PPFIA2: variants seen among roughly 807,000 people sequenced by gnomAD.
PPFIA2 encodes the protein PPFI scaffold protein A2, also known as liprin-alpha-2.
A neutral mutation model predicts 175.5 loss-of-function variants in PPFIA2; 46 were observed. That is an observed-to-expected ratio of 0.26 (90% CI 0.21 to 0.34). The LOEUF (loss-of-function observed/expected upper bound fraction) is 0.34. Among genes scored for constraint, PPFIA2 ranks in the 10% least tolerant of loss-of-function variants. The pLI is 1.00. For synonymous variants in PPFIA2, 568 were observed against 511.4 expected (o/e 1.11, Z -1.49); for missense variants, 1,179 against 1,506.1 (o/e 0.78, Z 3.60).
chr12:81,373,078 A>G (rs1415710743), intron 11 of PPFIA2, among the ~76,000 whole-genome samples: 2 of 151,940 alleles, frequency 1.3e-5, no homozygotes, highest in South Asian at 4.1e-4. Flanking sequence ...GTCAAATATT[A>G]TATTTTAAAT....
intron 3 of PPFIA2, among the ~76,000 whole-genome samples, chr12:81,709,360 T>G (rs1420760878): frequency 6.6e-6 from 1 of 152,156 alleles, no homozygotes; most frequent in South Asian, 2.1e-4. Context: ...TCATCAAATT[T>G]TGATTTATTT....
At chr12:81,376,506 A>G (rs1404358094) in intron 9 of PPFIA2, among the ~76,000 whole-genome samples, 2 of 152,156 alleles carry the variant, frequency 1.3e-5, no homozygotes, top group African/African-American at 4.8e-5. Context: ...ATATGTTTCA[A>G]TTACATAAGA....
At chr12:81,409,676 T>C (rs2043561481) in intron 7 of PPFIA2, among the ~76,000 whole-genome samples, 1 of 152,258 alleles carries the variant, frequency 6.6e-6, no homozygotes, top group South Asian at 2.1e-4. Flanking sequence ...TGATATTCTG[T>C]TATAGCAACA....
In PPFIA2 at chr12:81,367,205, A is replaced by G. The variant is rs186962188; in HGVS notation, c.1483-35T>C. ...AGAAAATAGCAGAAATAATTAATAA[A>G]TTAAACATAAAATACTTAAAAATAT... is the stretch of plus-strand genomic sequence containing the variant. On this transcript the variant is annotated intron_variant, in intron 13 of 32. Transcript: ENST00000549396. 4,415 of 1,250,268 alleles carry G rather than the reference A, an allele frequency of 3.5e-3. 19 individuals carry two copies. Among genetic ancestry groups the G allele is most frequent in the Middle Eastern group, 0.013 (47 of 3,760 alleles). 77.4% of individuals were successfully genotyped at this position (1,250,268 alleles called of 1,614,324 possible).
At chr12:81,486,363 A>G (rs2058820602) in intron 4 of PPFIA2, among the ~76,000 whole-genome samples, 1 of 151,916 alleles carries the variant, frequency 6.6e-6, no homozygotes, top group African/African-American at 2.4e-5. Context: ...TTCTACTTTC[A>G]TTTTATTATT....
At chr12:81,457,920 A>C in intron 4 of PPFIA2, 54 bp from the exon 5 acceptor site, 1 of 1,193,020 alleles carries the variant, frequency 8.4e-7, no homozygotes, top group Non-Finnish European at 1.2e-6. Flanking sequence ...AAAGCAGAAA[A>C]AAATTCAAAA....
chr12:81,757,526 G>A (rs545059574), intron 2 of PPFIA2, among the ~76,000 whole-genome samples: 18 of 152,150 alleles, frequency 1.2e-4, no homozygotes, highest in Non-Finnish European at 2.5e-4. Context: ...AAGAAAAAAA[G>A]TAATAATAAA....
In PPFIA2 at chr12:81,400,572, A is replaced by G. The variant is rs192008185; in HGVS notation, c.762+5215T>C. On this transcript the variant is annotated intron_variant, in intron 8 of 32. Transcript: ENST00000549396. ...TGACAAGAACTAAAGAACTGAAAAC[A>G]TGCAAACAAAAATCTATTTCTGATT... Among the ~76,000 whole-genome samples the G allele has an allele frequency of 1.7e-3, 260 of 152,304 alleles. 2 individuals carry two copies. The highest frequency in any genetic ancestry group is 4.3e-3 in the Admixed American group (66 of 15,288).
In PPFIA2 at chr12:81,258,226, G is replaced by A. The variant is rs995758693; in HGVS notation, c.*1468C>T. 20 of 152,078 alleles carry A rather than the reference G, an allele frequency of 1.3e-4. No homozygotes were observed. Among genetic ancestry groups the A allele is most frequent in the African/African-American group, 4.1e-4 (17 of 41,436 alleles). 9.4% of individuals were successfully genotyped at this position (152,078 alleles called of 1,614,324 possible). A position where few individuals can be genotyped will look rare whatever the true frequency, so the allele number is the denominator to read the frequency against. ...TTCCTGATAGTTTAAGTAAATTGTC[G>A]AGCCTTATGTGACTAGAAAACAAAG... On this transcript the variant is annotated 3_prime_UTR_variant, in exon 33 of 33. Transcript: ENST00000549396.
In PPFIA2 at chr12:81,440,055, A is replaced by G. The variant is rs755707903; in HGVS notation, c.571-9T>C. 7 of 1,590,550 alleles carry G rather than the reference A, an allele frequency of 4.4e-6. No individual in the cohort carries two copies. The highest frequency in any genetic ancestry group is 6.0e-6 in the Non-Finnish European group (7 of 1,170,324). Reference sequence around the variant, plus strand: ...CTCAGTCGCTCCCTTACCTAGAAGAAAAATCAAAATATGTGCAGTAATGTA... The same window carrying G: ...CTCAGTCGCTCCCTTACCTAGAAGAGAAATCAAAATATGTGCAGTAATGTA... On this transcript the variant is annotated splice_polypyrimidine_tract_variant and intron_variant, in intron 6 of 32. Transcript: ENST00000549396.
chr12:81,489,431 A>G (rs567457676), intron 4 of PPFIA2, among the ~76,000 whole-genome samples: 1 of 151,976 alleles, frequency 6.6e-6, no homozygotes, highest in Non-Finnish European at 1.5e-5. Flanking sequence ...GCATTTGCAC[A>G]TGTTTCAATG....
chr12:81,405,420 T>C (rs2042759415), intron 8 of PPFIA2, among the ~76,000 whole-genome samples: 1 of 152,014 alleles, frequency 6.6e-6, no homozygotes, highest in Non-Finnish European at 1.5e-5. Flanking sequence ...CCTGCCTATA[T>C]ATGTACATAT....
intron 13 of PPFIA2, among the ~76,000 whole-genome samples, chr12:81,367,432 TTC>T (rs1308528377): frequency 1.3e-5 from 2 of 151,658 alleles, no homozygotes; most frequent in African/African-American, 2.4e-5. Context: ...TTTAAGCTAC[TTC>T]TGTTTGCCTT....
chr12:81,619,953 G>A (rs200322439), intron 4 of PPFIA2, among the ~76,000 whole-genome samples: 2 of 151,828 alleles, frequency 1.3e-5, no homozygotes, highest in Admixed American at 6.6e-5. Flanking sequence ...AGGTCAGGAG[G>A]TCGAGACCAT....
intron 7 of PPFIA2, among the ~76,000 whole-genome samples, chr12:81,438,641 CAT>C (rs944288912): frequency 1.1e-4 from 17 of 152,066 alleles, no homozygotes; most frequent in Admixed American, 3.3e-4. Flanking sequence ...ATATTAGCCT[CAT>C]ATATTTTTAT....
At chr12:81,548,011 C>A (rs754154498) in intron 4 of PPFIA2, among the ~76,000 whole-genome samples, 3 of 152,154 alleles carry the variant, frequency 2.0e-5, no homozygotes, top group Non-Finnish European at 4.4e-5. Context: ...ATGCTAGGTA[C>A]TATAGCAAGT....
intron 22 of PPFIA2, among the ~76,000 whole-genome samples, chr12:81,324,147 A>T (rs1346504136): frequency 6.6e-6 from 1 of 152,048 alleles, no homozygotes. Flanking sequence ...TATTTAAGGG[A>T]AGAATTAGTA....
rs1201065713 is a variant in PPFIA2 at position 81,375,890 on chromosome 12, C to T, written c.1037G>A (p.Arg346His). Reference sequence around the variant, plus strand: ...AGATTCTCTCTGAGCACTGAGGTAACGCTTTTCAAGGGTTGTAATTCTTTC... The same window carrying T: ...AGATTCTCTCTGAGCACTGAGGTAATGCTTTTCAAGGGTTGTAATTCTTTC... Reference protein sequence around the residue: ...MEERITTLEKRYLSAQRESTS... With the variant: ...MEERITTLEKHYLSAQRESTS... The change falls in exon 10 of 33, where the codon CGT (arginine) becomes CAT (histidine). Residue 346 changes from arginine (R) to histidine (H), a missense_variant. Transcript: ENST00000549396. 9 of 1,612,634 alleles carry T rather than the reference C, an allele frequency of 5.6e-6. No individual in the cohort carries two copies. The highest frequency in any genetic ancestry group is 1.7e-5 in the Admixed American group (1 of 59,960).
rs533878108 is a variant in PPFIA2, at chr12:81,356,297, C to T, written c.1773+1785G>A. Among the ~76,000 whole-genome samples the T allele has an allele frequency of 1.7e-4, 26 of 152,182 alleles. No individual in the cohort carries two copies. The South Asian group carries it at 5.2e-3, about 30-fold the overall frequency. On this transcript the variant is annotated intron_variant, in intron 16 of 32. Transcript: ENST00000549396. ...GGTTCATGGTGTACCCAAATGATTA[C>T]AATAGTGACATCAAAGATCACTGTT...
Sources: allele counts gnomAD v4.1 joint callset (sites outside exome capture counted in the v4.1 genomes callset), GRCh38; gene constraint gnomAD v4.1.1; transcripts MANE v1.5; gene names NCBI Gene and HGNC (gene_info 2026-07-23, HGNC 2026-07-21).